Variants in FREM3 observed in about 807,000 individuals in gnomAD.
FREM3 encodes FRAS1-related extracellular matrix protein 3.
A neutral mutation model predicts 129.1 loss-of-function variants in FREM3; 105 were observed. The ratio of observed to expected loss-of-function variants is 0.81; its 90% CI spans 0.69 to 0.96. The LOEUF is 0.96. Among genes scored for constraint, FREM3 ranks in the 40% least tolerant of loss-of-function variants. FREM3 has a pLI of 0.00. For synonymous variants in FREM3, 1,014 were observed against 1,044.9 expected (o/e 0.97, Z 0.57); for missense variants, 2,593 against 2,666.3 (o/e 0.97, Z 0.61).
intron 2 of FREM3, among the ~76,000 whole-genome samples, chr4:143,667,935 A>G (rs1233302464): frequency 6.6e-6 from 1 of 152,232 alleles, no homozygotes; most frequent in Non-Finnish European, 1.5e-5. Flanking sequence ...TTGTACTTAT[A>G]AAAATAACAA....
intron 6 of FREM3, among the ~76,000 whole-genome samples, chr4:143,597,971 T>A (rs72938287): frequency 6.6e-6 from 1 of 152,242 alleles, no homozygotes; most frequent in Non-Finnish European, 1.5e-5. Flanking sequence ...AGTTCATAGA[T>A]GTTGCCTTCT....
At chr4:143,642,604 C>A (rs72940233) in intron 2 of FREM3, among the ~76,000 whole-genome samples, 6,459 of 152,160 alleles carry the variant, frequency 0.042, 383 homozygotes, top group African/African-American at 0.13. Flanking sequence ...TGAGGCTAGA[C>A]CTCTATTTCT....
chr4:143,672,670 A>G (rs1189010857), intron 2 of FREM3, among the ~76,000 whole-genome samples: 1 of 152,176 alleles, frequency 6.6e-6, no homozygotes, highest in Non-Finnish European at 1.5e-5. Context: ...TCTCCTGGAT[A>G]ATATCCTGCA....
Position 143,695,684 on chromosome 4 carries a change from G to T in FREM3, c.4992C>A (p.Thr1664=). Residue 1664 remains threonine, a synonymous_variant, in exon 1 of 8, where the codon ACC becomes ACA. Transcript: ENST00000329798. Reference sequence around the variant, plus strand: ...GCTTCAAGGCTGGGGCACCCCTGTTGGTAGTAATCTGGGGAAGCCTATTGT... The same window carrying T: ...GCTTCAAGGCTGGGGCACCCCTGTTTGTAGTAATCTGGGGAAGCCTATTGT... ...SLDNRLPQIT[T]NRGAPALKRL... 1 of 1,537,224 alleles carries T rather than the reference G, an allele frequency of 6.5e-7. No homozygotes were observed. Among genetic ancestry groups the T allele is most frequent in the Non-Finnish European group, 8.7e-7 (1 of 1,146,884 alleles).
chr4:143,660,775 A>G (rs890831173), intron 2 of FREM3, among the ~76,000 whole-genome samples: 1 of 152,014 alleles, frequency 6.6e-6, no homozygotes, highest in African/African-American at 2.4e-5. Flanking sequence ...AGTGGTTTGT[A>G]GTTCTCCTTG....
chr4:143,683,249 T>A (rs1382035274), intron 2 of FREM3, among the ~76,000 whole-genome samples: 1 of 152,116 alleles, frequency 6.6e-6, no homozygotes, highest in African/African-American at 2.4e-5. Flanking sequence ...TAGCTCCAGA[T>A]CTACTGCAAG....
chr4:143,601,624 T>A (rs763190949), intron 6 of FREM3, among the ~76,000 whole-genome samples: 24 of 152,274 alleles, frequency 1.6e-4, no homozygotes, highest in Middle Eastern at 3.4e-3. Flanking sequence ...GGAAGTTAGG[T>A]TCTAAAGCCA....
At chr4:143,624,781 A>C (rs184165284) in intron 3 of FREM3, among the ~76,000 whole-genome samples, 12 of 152,296 alleles carry the variant, frequency 7.9e-5, no homozygotes, top group Admixed American at 6.5e-4. Context: ...ATTCCTGGGA[A>C]TTAGGACAGT....
Position 143,611,301 on chromosome 4 carries a change from A to G in FREM3, c.6006T>C (p.Thr2002=). 1 of 1,537,006 alleles carries G rather than the reference A, an allele frequency of 6.5e-7. No individual in the cohort carries two copies. The highest frequency in any genetic ancestry group is 8.7e-7 in the Non-Finnish European group (1 of 1,146,764). ...LGARFPTTKV[T]ILADRYDEPV... The stretch of plus-strand genomic sequence containing the variant: ...TACCATCATAACGATCAGCCAGAAT[A>G]GTCACCTTAGTGGTGGGGAATCTGG... The change falls in exon 6 of 8, where the codon ACT becomes ACC. Residue 2002 remains threonine (T), a synonymous_variant. Transcript: ENST00000329798.
rs1035886808 is a variant in FREM3 at position 143,577,466 on chromosome 4, T to C, written c.*145A>G. On this transcript the variant is annotated 3_prime_UTR_variant, in exon 8 of 8. Coordinates refer to ENST00000329798, the MANE Select transcript of FREM3 (RefSeq NM_001168235.2). ...TCTATCTCCATGCAGTCATATAAAT[T>C]ACATTTCCACATATCACCAGAATAT... 23 of 730,558 alleles carry C rather than the reference T, an allele frequency of 3.1e-5. No individual in the cohort carries two copies. Among genetic ancestry groups the C allele is most frequent in the Non-Finnish European group, 4.4e-5 (20 of 459,558 alleles). The allele number at this position is 730,558 out of a possible 1,614,324, so 45.3% of individuals were successfully genotyped here.
intron 2 of FREM3, among the ~76,000 whole-genome samples, chr4:143,663,516 A>G (rs1739784730): frequency 6.6e-6 from 1 of 151,648 alleles, no homozygotes; most frequent in East Asian, 1.9e-4. Flanking sequence ...TGCCCTTAAC[A>G]TTTTTTCCTT....
chr4:143,659,361 T>C (rs377595079), intron 2 of FREM3, among the ~76,000 whole-genome samples: 1 of 151,970 alleles, frequency 6.6e-6, no homozygotes, highest in African/African-American at 2.4e-5. Flanking sequence ...TTTGTCCTTG[T>C]GATAGTTTAC....
intron 3 of FREM3, among the ~76,000 whole-genome samples, chr4:143,625,432 T>C (rs1739022773): frequency 6.6e-6 from 1 of 152,262 alleles, no homozygotes; most frequent in Admixed American, 6.5e-5. Flanking sequence ...TTGTAAAAGA[T>C]ACCCGAAGCT....
At chr4:143,583,210 G>T (rs1451846270) in intron 7 of FREM3, among the ~76,000 whole-genome samples, 1 of 152,186 alleles carries the variant, frequency 6.6e-6, no homozygotes, top group Admixed American at 6.5e-5. Flanking sequence ...GCTGAGGAAA[G>T]AATCTCATAG....
At position 143,585,714 on chromosome 4, in the gene FREM3, C is replaced by T. The variant is rs531309967; in HGVS notation, c.6178+130G>A. The T allele has an allele frequency of 2.0e-5, 17 of 858,592 alleles. No homozygotes were observed. The highest frequency in any genetic ancestry group is 4.7e-4 in the Middle Eastern group (2 of 4,268). 53.2% of individuals were successfully genotyped at this position (858,592 alleles called of 1,614,324 possible). A position where few individuals can be genotyped will look rare whatever the true frequency, so the allele number is the denominator to read the frequency against. ...AGTCATTATGTATACAAACCATCTA[C>T]GTGCTGAAGCCAGAGAAACTTTCAT... On this transcript the variant is annotated intron_variant, in intron 7 of 7. Coordinates refer to ENST00000329798, the MANE Select transcript of FREM3 (RefSeq NM_001168235.2). This position sits in a 1 kb window ranked among gnomAD's most constrained non-coding sequence, Gnocchi z 4.2.
intron 3 of FREM3, among the ~76,000 whole-genome samples, chr4:143,624,732 A>G (rs192757062): frequency 1.3e-3 from 195 of 152,332 alleles, no homozygotes; most frequent in Middle Eastern, 3.4e-3. Context: ...TATGAGCTCT[A>G]TGGCGGTAGA....
intron 2 of FREM3, among the ~76,000 whole-genome samples, chr4:143,657,131 C>CAGTCAGGAAATAA (rs1315759227): frequency 6.6e-6 from 1 of 152,144 alleles, no homozygotes; most frequent in African/African-American, 2.4e-5. Context: ...TTCATTGCAG[C>CAGTCAGGAAATAA]AAATAAATCA....
intron 2 of FREM3, among the ~76,000 whole-genome samples, chr4:143,633,838 C>T (rs1199970218): frequency 1.3e-5 from 2 of 152,056 alleles, no homozygotes; most frequent in African/African-American, 4.8e-5. Context: ...GATAAAAAGA[C>T]ATGTCAGGTA....
At position 143,697,332 on chromosome 4, in the gene FREM3, G is replaced by C. The variant is rs1376348210; in HGVS notation, c.3344C>G (p.Ser1115Cys). Reference protein sequence around the residue: ...LLCTVTSQPASGYLEKIASAP... With the variant: ...LLCTVTSQPACGYLEKIASAP... ...TGATGCAATCTTTTCCAGGTAGCCA[G>C]AGGCTGGCTGACTAGTCACTGTGCA... Residue 1115 changes from serine (S) to cysteine (C), a missense_variant, in exon 1 of 8, where the codon TCT becomes TGT. Physicochemically the swap from Ser to Cys is moderately radical, Grantham distance 112. Around this residue, in one of 2 missense-constraint regions of FREM3, gnomAD observed 2,276 missense variants for 2,267.2 expected, o/e 1.00. Coordinates refer to ENST00000329798, the MANE Select transcript of FREM3 (RefSeq NM_001168235.2). 6.5e-7 allele frequency: 1 copy of C among 1,537,054 alleles called. No individual in the cohort carries two copies. The highest frequency in any genetic ancestry group is 1.4e-5 in the African/African-American group (1 of 73,046).
Sources: allele counts gnomAD v4.1 joint callset (sites outside exome capture counted in the v4.1 genomes callset), GRCh38; gene constraint gnomAD v4.1.1; regional missense constraint gnomAD v4.1.1; non-coding constraint Gnocchi (gnomAD v3.1); transcripts MANE v1.5; gene names NCBI Gene and HGNC (gene_info 2026-07-23, HGNC 2026-07-21).